The following TDRD5 variants were observed in gnomAD, a reference collection of about 807,000 sequenced individuals.
The protein encoded by TDRD5 is tudor domain containing 5.
A neutral mutation model predicts 120.6 loss-of-function variants in TDRD5; 41 were observed. That is an observed-to-expected ratio of 0.34 (90% CI 0.26 to 0.44). The LOEUF (loss-of-function observed/expected upper bound fraction) is 0.44. Ranked by LOEUF, TDRD5 falls within the 20% of genes least tolerant of loss-of-function variation. The probability of loss-of-function intolerance (pLI) is 1.00; values close to 1 mark genes in which losing one functional copy is unlikely to be tolerated. For synonymous variants in TDRD5, 430 were observed against 433.7 expected, an observed-to-expected ratio of 0.99 and a Z score of 0.11; for missense variants, 1,006 against 1,221.2, an observed-to-expected ratio of 0.82 and a Z score of 2.63.
intron 17 of TDRD5, among the ~76,000 whole-genome samples, chr1:179,673,751 A>C (rs1393689764): frequency 7.2e-6 from 1 of 139,064 alleles, no homozygotes; most frequent in African/African-American, 2.6e-5. Flanking sequence ...GTAGAATGGG[A>C]GGCAGGTTTG....
Position 179,597,112 on chromosome 1 carries a change from A to G in TDRD5, c.831+1294A>G, listed in dbSNP as rs113405468. Among the ~76,000 whole-genome samples the G allele has an allele frequency of 4.5e-3, 692 of 152,220 alleles. 5 individuals carry two copies. The highest frequency in any genetic ancestry group is 0.016 in the African/African-American group (658 of 41,540). On this transcript the variant is annotated intron_variant, in intron 4 of 17. Transcript: ENST00000444136. ...TTTGTATTTCCTTTTTGAAGTGTCT[A>G]TTCAAATATTTTGCCCATTTTATAA...
chr1:179,671,519 C>A (rs1679852159), intron 17 of TDRD5, among the ~76,000 whole-genome samples: 1 of 152,216 alleles, frequency 6.6e-6, no homozygotes, highest in Admixed American at 6.5e-5. Flanking sequence ...TTCAGTTATA[C>A]TGTACTTCTT....
intron 6 of TDRD5, among the ~76,000 whole-genome samples, chr1:179,628,319 CTTTTCTT>C (rs1347447861): frequency 0.012 from 898 of 76,106 alleles, 7 homozygotes; most frequent in South Asian, 0.043. Context: ...CTTTTCTTTT[CTTTTCTT>C]TTTTTTTTTT....
intron 4 of TDRD5, among the ~76,000 whole-genome samples, chr1:179,611,587 G>C (rs1342076474): frequency 6.6e-6 from 1 of 151,580 alleles, no homozygotes; most frequent in African/African-American, 2.4e-5. Flanking sequence ...CTGACTAAAA[G>C]TTCCAAAAAA....
At chr1:179,595,898 G>A in intron 4 of TDRD5, 80 bp downstream of exon 4, 3 of 1,382,354 alleles carry the variant, frequency 2.2e-6, no homozygotes, top group Non-Finnish European at 2.9e-6. Flanking sequence ...TGATGGAAAA[G>A]TTGACCTTTT....
chr1:179,662,341 C>T (rs1266880986), intron 15 of TDRD5, 55 bp downstream of exon 15: 1 of 1,551,158 alleles, frequency 6.4e-7, no homozygotes, highest in African/African-American at 1.4e-5. Context: ...CGGCTCAAGC[C>T]TGTAATCCTA....
At position 179,654,252 on chromosome 1, in the gene TDRD5, G is replaced by A; in HGVS notation, c.2212G>A (p.Glu738Lys). Residue 738 changes from glutamate to lysine, a missense_variant, in exon 14 of 18, where the codon GAG becomes AAG. By Grantham distance (56) the Glu-to-Lys change is moderately conservative. Around this residue, in one of 3 missense-constraint regions of TDRD5, gnomAD observed 403 missense variants for 448.1 expected, o/e 0.90. Transcript: ENST00000444136. ...AAGTCATCTTAAATCTGAGTCAAAG[G>A]AGCCATTAAAGGATTCTGAATTTGA... ...SLSHLKSESK[E>K]PLKDSEFESL... The A allele has an allele frequency of 6.5e-7, 1 of 1,548,442 alleles. No homozygotes were observed. The highest frequency in any genetic ancestry group is 8.7e-7 in the Non-Finnish European group (1 of 1,145,780).
intron 6 of TDRD5, among the ~76,000 whole-genome samples, chr1:179,630,393 T>G (rs1204987687): frequency 1.3e-5 from 2 of 152,226 alleles, no homozygotes; most frequent in Non-Finnish European, 2.9e-5. Flanking sequence ...AATATTATCT[T>G]TATTGGAAAA....
chr1:179,671,702 A>G (rs1183411784), intron 17 of TDRD5, among the ~76,000 whole-genome samples: 2 of 152,108 alleles, frequency 1.3e-5, no homozygotes, highest in East Asian at 1.9e-4. Flanking sequence ...GAGTGTATAC[A>G]CTGTACCCAA....
rs769103429 is a variant in TDRD5, at chr1:179,690,753, C to T, written c.2918C>T (p.Thr973Ile). The T allele has an allele frequency of 2.5e-6, 4 of 1,614,230 alleles. No homozygotes were observed. The highest frequency in any genetic ancestry group is 3.4e-6 in the Non-Finnish European group (4 of 1,180,046). Residue 973 changes from threonine to isoleucine, a missense_variant, in exon 18 of 18, where the codon ACA becomes ATA. Coordinates refer to ENST00000444136, the MANE Select transcript of TDRD5 (RefSeq NM_001199085.3). ...NEDFSSSRAI[T>I]LYKDKRQESV... ...GATTTTTCTAGCAGCCGTGCTATTA[C>T]ATTGTACAAAGACAAGCGTCAAGAA...
chr1:179,630,155 G>T (rs1159218598), intron 6 of TDRD5, among the ~76,000 whole-genome samples: 1 of 151,860 alleles, frequency 6.6e-6, no homozygotes, highest in African/African-American at 2.4e-5. Context: ...CCATCACCAC[G>T]CCTGGCTAAT....
rs1356277641 is a variant in TDRD5, at chr1:179,593,610, C to A, written c.383C>A (p.Ala128Asp). The A allele has an allele frequency of 1.2e-6, 2 of 1,614,208 alleles. No individual in the cohort carries two copies. The highest frequency in any genetic ancestry group is 1.7e-5 in the Admixed American group (1 of 60,030). Reference protein sequence around the residue: ...HRRVPYRGRVAPILPAVVKSE... With the variant: ...HRRVPYRGRVDPILPAVVKSE... ...CGAGTACCTTACCGAGGAAGGGTTG[C>A]CCCTATTCTTCCAGCTGTTGTGAAG... The change falls in exon 3 of 18, where the codon GCC (alanine) becomes GAC (aspartate). Residue 128 changes from alanine (A) to aspartate (D), a missense_variant. Coordinates refer to ENST00000444136, the MANE Select transcript of TDRD5 (RefSeq NM_001199085.3).
chr1:179,609,132 C>A (rs1676147733), intron 4 of TDRD5, among the ~76,000 whole-genome samples: 1 of 152,054 alleles, frequency 6.6e-6, no homozygotes, highest in Admixed American at 6.6e-5. Context: ...TATAAGTACA[C>A]AGCAAGAAGG....
At chr1:179,616,956 G>A (rs1676593472) in intron 4 of TDRD5, among the ~76,000 whole-genome samples, 1 of 152,110 alleles carries the variant, frequency 6.6e-6, no homozygotes, top group South Asian at 2.1e-4. Context: ...TATTGAATCT[G>A]CAAATGGGAG....
chr1:179,674,918 G>A (rs541890789), intron 17 of TDRD5, among the ~76,000 whole-genome samples: 24 of 151,978 alleles, frequency 1.6e-4, no homozygotes, highest in African/African-American at 4.6e-4. Context: ...GAGTTTATTT[G>A]GATCCTCTCT....
chr1:179,636,028 C>T, intron 9 of TDRD5, 141 bp downstream of exon 9: 2 of 535,596 alleles, frequency 3.7e-6, no homozygotes, highest in Admixed American at 4.0e-5. Flanking sequence ...GAAATTAAAA[C>T]TGTAAAATTT....
At chr1:179,654,178 G>T in intron 13 of TDRD5, 23 bp from the exon 14 acceptor site, 1 of 1,484,476 alleles carries the variant, frequency 6.7e-7, no homozygotes, top group Non-Finnish European at 9.0e-7. Flanking sequence ...TAAAATAAAG[G>T]AATTCTCTTT....
In TDRD5 at chr1:179,681,981, T is replaced by TA. The variant is rs1045901860; in HGVS notation, c.2861-8700dup. Among the ~76,000 whole-genome samples, 31 of 3,128 alleles carry TA rather than the reference T, an allele frequency of 9.9e-3. 1 individual carries two copies. Among genetic ancestry groups the TA allele is most frequent in the African/African-American group, 0.038 (28 of 736 alleles). The allele number at this position is 3,128 out of a possible 152,430, so 2.1% of individuals were successfully genotyped here. A position where few individuals can be genotyped will look rare whatever the true frequency, so the allele number is the denominator to read the frequency against. The stretch of plus-strand genomic sequence containing the variant: ...TTTAAGACAGAGTGAGACTCTGTCT[T>TA]AAAAAAAAAAAAAAAGAAAAACACA... On this transcript the variant is annotated intron_variant, in intron 17 of 17. Transcript: ENST00000444136.
At chr1:179,668,966 G>A (rs1025568515) in intron 16 of TDRD5, among the ~76,000 whole-genome samples, 2 of 151,888 alleles carry the variant, frequency 1.3e-5, no homozygotes, top group East Asian at 1.9e-4. Context: ...GGATGGTCTC[G>A]ATCTCCTGAC....
Sources: gnomAD v4.1 joint callset for allele counts (sites outside exome capture counted in the v4.1 genomes callset) on GRCh38, gnomAD v4.1.1 for gene constraint, gnomAD v4.1.1 regional missense constraint, MANE v1.5 for transcripts, NCBI Gene and HGNC (gene_info 2026-07-23, HGNC 2026-07-21) for gene names.